The following SPATA6L variants were observed in gnomAD, a reference collection of about 807,000 sequenced individuals.
SPATA6L encodes the protein spermatogenesis associated 6 like.
Under a neutral mutation model 49.2 loss-of-function variants are expected in SPATA6L, and 68 were observed. The observed-to-expected ratio is 1.38, with a 90% CI of 1.14 to 1.69. The LOEUF is 1.69. Ranked by LOEUF, SPATA6L falls within the 40% of genes most tolerant of loss-of-function variation. SPATA6L has a pLI of 0.00. For missense variants in SPATA6L, 668 were observed against 464.3 expected, an observed-to-expected ratio of 1.44 and a Z score of -4.03; for synonymous variants, 198 against 165.7, an observed-to-expected ratio of 1.19 and a Z score of -1.50.
At position 4,629,769 on chromosome 9, in the gene SPATA6L, G is replaced by GTGTGTGTGTGTATATA. The variant is rs1311805859; in HGVS notation, c.352-602_352-601insTATATACACACACACA. Among the ~76,000 whole-genome samples the GTGTGTGTGTGTATATA allele has an allele frequency of 9.8e-5, 10 of 101,920 alleles. No individual in the cohort carries two copies. The East Asian group carries it at 1.6e-3, about 16-fold the overall frequency. The allele number at this position is 101,920 out of a possible 152,430, so 66.9% of individuals were successfully genotyped here. ...GTGTTTTATATATGTGTGTGTGTGT[G>GTGTGTGTGTGTATATA]TATATATATATATATATATATATAT... On this transcript the variant is annotated intron_variant, in intron 4 of 11. Coordinates refer to ENST00000682582, the MANE Select transcript of SPATA6L (RefSeq NM_001353486.2).
chr9:4,614,299 T>G (rs993773889), intron 9 of SPATA6L, among the ~76,000 whole-genome samples: 1 of 152,242 alleles, frequency 6.6e-6, no homozygotes, highest in African/African-American at 2.4e-5. Context: ...CATTAAAACC[T>G]TGGGTTGACT....
chr9:4,593,036 C>A (rs892843954), intron 13 of SPATA6L, among the ~76,000 whole-genome samples: 1 of 152,214 alleles, frequency 6.6e-6, no homozygotes, highest in Non-Finnish European at 1.5e-5. Context: ...CTTAACACTT[C>A]TATTAGGCAG....
At position 4,605,385 on chromosome 9, in the gene SPATA6L, G is replaced by C; in HGVS notation, c.1051C>G (p.Leu351Val). ...AGCTGTGCTCTGTGGGATGTCAGAA[G>C]ACTGCATACCCTCTCATGGATATTC... ...WKNIHERVCSLLTSHRAQLHQ... is the reference protein window; with the variant it reads ...WKNIHERVCSVLTSHRAQLHQ... Residue 351 changes from leucine (L) to valine (V), a missense_variant, in exon 10 of 12, where the codon CTT becomes GTT. Coordinates refer to ENST00000682582, the MANE Select transcript of SPATA6L (RefSeq NM_001353486.2). 1 of 1,614,162 alleles carries C rather than the reference G, an allele frequency of 6.2e-7. No homozygotes were observed. Among genetic ancestry groups the C allele is most frequent in the Non-Finnish European group, 8.5e-7 (1 of 1,179,994 alleles).
At position 4,627,778 on chromosome 9, in the gene SPATA6L, G is replaced by A. The variant is rs139920771; in HGVS notation, c.429+1313C>T. 628 of 1,289,326 alleles carry A rather than the reference G, an allele frequency of 4.9e-4. 2 individuals carry two copies. The Middle Eastern group carries it at 5.5e-3, about 11-fold the overall frequency. 79.9% of individuals were successfully genotyped at this position (1,289,326 alleles called of 1,614,324 possible). On this transcript the variant is annotated intron_variant, in intron 5 of 11. Coordinates refer to ENST00000682582, the MANE Select transcript of SPATA6L (RefSeq NM_001353486.2). The stretch of plus-strand genomic sequence containing the variant: ...CAAAGACGGACCATGAATACAATCC[G>A]AGCATCAGCCTCAGCAAAAGAAAGG...
intron 7 of SPATA6L, among the ~76,000 whole-genome samples, chr9:4,619,576 A>G (rs996418926): frequency 6.6e-6 from 1 of 152,148 alleles, no homozygotes; most frequent in South Asian, 2.1e-4. Flanking sequence ...CCCAGAACCT[A>G]AAAGAAAGTA....
intron 2 of SPATA6L, among the ~76,000 whole-genome samples, chr9:4,659,439 G>A (rs938728314): frequency 1.3e-5 from 2 of 151,240 alleles, no homozygotes; most frequent in Admixed American, 1.3e-4. Flanking sequence ...GCTTCAAAGA[G>A]AATAAAATAT....
intron 7 of SPATA6L, among the ~76,000 whole-genome samples, chr9:4,621,519 AC>A (rs1829296230): frequency 6.8e-6 from 1 of 147,972 alleles, no homozygotes; most frequent in African/African-American, 2.5e-5. Context: ...TCAGAGTTTC[AC>A]TCTTGTTGCC....
At chr9:4,649,545 G>C (rs775604202) in intron 3 of SPATA6L, among the ~76,000 whole-genome samples, 1 of 152,168 alleles carries the variant, frequency 6.6e-6, no homozygotes, top group African/African-American at 2.4e-5. Context: ...TGTGGACAAG[G>C]TCACACTGGC....
chr9:4,592,447 C>A (rs754177528), intron 13 of SPATA6L, among the ~76,000 whole-genome samples: 1 of 152,144 alleles, frequency 6.6e-6, no homozygotes, highest in African/African-American at 2.4e-5. Context: ...ATAACAGCAT[C>A]ATAAAGTGGG....
Position 4,625,346 on chromosome 9 carries a change from G to A in SPATA6L, c.650C>T (p.Pro217Leu), listed in dbSNP as rs781112622. Residue 217 changes from proline (P) to leucine (L), a missense_variant, in exon 6 of 12, where the codon CCT becomes CTT. Pro to Leu is a moderately conservative substitution (Grantham distance 98). Coordinates refer to ENST00000682582, the MANE Select transcript of SPATA6L (RefSeq NM_001353486.2). ...GCTCACGTGTCTAACAACAAATGGA[G>A]GCTTGCTTCCTCCAGAGATTTTGAA... ...NNFKISGGSK[P>L]PFVVRHVDSA... 1 of 1,613,560 alleles carries A rather than the reference G, an allele frequency of 6.2e-7. No individual in the cohort carries two copies. The highest frequency in any genetic ancestry group is 8.5e-7 in the Non-Finnish European group (1 of 1,179,770).
At chr9:4,643,632 C>T (rs1834554705) in intron 3 of SPATA6L, among the ~76,000 whole-genome samples, 1 of 151,872 alleles carries the variant, frequency 6.6e-6, no homozygotes, top group South Asian at 2.1e-4. Flanking sequence ...AAAGTAAAAC[C>T]CAAAATACTA....
intron 9 of SPATA6L, among the ~76,000 whole-genome samples, chr9:4,605,905 T>G (rs938944141): frequency 1.3e-5 from 2 of 152,226 alleles, no homozygotes; most frequent in Non-Finnish European, 2.9e-5. Flanking sequence ...GGTAGCGGGT[T>G]CATCTCACTA....
At chr9:4,622,254 G>A (rs1330142804) in intron 7 of SPATA6L, among the ~76,000 whole-genome samples, 154 bp downstream of exon 7, 3 of 152,206 alleles carry the variant, frequency 2.0e-5, no homozygotes, top group East Asian at 3.8e-4. Context: ...TGCTTCATGG[G>A]AACACTGCCC....
At chr9:4,592,422 A>C (rs993148552) in intron 13 of SPATA6L, among the ~76,000 whole-genome samples, 4 of 152,160 alleles carry the variant, frequency 2.6e-5, no homozygotes, top group Non-Finnish European at 2.9e-5. Flanking sequence ...CTTAAATATG[A>C]ACTCATTTAA....
At chr9:4,618,206 T>A in intron 8 of SPATA6L, 96 bp from the exon 9 acceptor site, 1 of 1,044,622 alleles carries the variant, frequency 9.6e-7, no homozygotes, top group Non-Finnish European at 1.4e-6. Flanking sequence ...TAACTCGGGC[T>A]AAGATGACAG....
intron 3 of SPATA6L, among the ~76,000 whole-genome samples, chr9:4,649,657 C>T (rs942307161): frequency 1.3e-5 from 2 of 152,136 alleles, no homozygotes; most frequent in Admixed American, 1.3e-4. Flanking sequence ...TTCCACAGAG[C>T]GAGTTAATTA....
chr9:4,615,305 T>A (rs1016702940), intron 9 of SPATA6L, among the ~76,000 whole-genome samples: 1 of 152,210 alleles, frequency 6.6e-6, no homozygotes, highest in African/African-American at 2.4e-5. Context: ...AGGTTGCAAG[T>A]TTTCAGAGAT....
At chr9:4,595,149 A>C (rs1369141422), downstream of SPATA6L, among the ~76,000 whole-genome samples, 1 of 152,146 alleles carries the variant, frequency 6.6e-6, no homozygotes, top group Admixed American at 6.5e-5. Flanking sequence ...TCAATACCTC[A>C]TTCTGCTGAC....
At chr9:4,642,037 G>A (rs1278089713) in intron 3 of SPATA6L, among the ~76,000 whole-genome samples, 1 of 152,158 alleles carries the variant, frequency 6.6e-6, no homozygotes, top group East Asian at 1.9e-4. Context: ...CAAAGTGCTG[G>A]GATTACAGGC....
Sources: gnomAD v4.1 joint callset for allele counts (sites outside exome capture counted in the v4.1 genomes callset) on GRCh38, gnomAD v4.1.1 for gene constraint, MANE v1.5 for transcripts, NCBI Gene and HGNC (gene_info 2026-07-23, HGNC 2026-07-21) for gene names.